The following SLC9A8 variants were observed in gnomAD, a reference collection of about 807,000 sequenced individuals.
SLC9A8 encodes the protein solute carrier family 9 member A8, also known as sodium/hydrogen exchanger 8.
SLC9A8 carries 48 observed loss-of-function variants against 66.6 expected under a neutral mutation model. That is an observed-to-expected ratio of 0.72 (90% CI 0.57 to 0.92). The LOEUF is 0.92. SLC9A8 is among the 40% of genes least tolerant of loss of function. The probability of loss-of-function intolerance (pLI) is 0.00; values close to 1 mark genes in which losing one functional copy is unlikely to be tolerated. For synonymous variants in SLC9A8, 274 were observed against 282.6 expected (o/e 0.97, Z 0.31); for missense variants, 599 against 747.3 (o/e 0.80, Z 2.31).
At chr20:49,857,973 A>T (rs1028614120) in intron 8 of SLC9A8, among the ~76,000 whole-genome samples, 3 of 152,356 alleles carry the variant, frequency 2.0e-5, no homozygotes. Context: ...ATATATTCTT[A>T]CCAAATTTAG....
At chr20:49,821,896 G>A (rs559663082) in intron 2 of SLC9A8, among the ~76,000 whole-genome samples, 2 of 152,148 alleles carry the variant, frequency 1.3e-5, no homozygotes, top group South Asian at 4.1e-4. Flanking sequence ...GGAGATTGAG[G>A]AATGAAGGCA....
chr20:49,882,060 G>C (rs939474486), intron 13 of SLC9A8, among the ~76,000 whole-genome samples: 1 of 152,224 alleles, frequency 6.6e-6, no homozygotes, highest in South Asian at 2.1e-4. Context: ...TCAACGAGGG[G>C]CACTGAACAA....
intron 3 of SLC9A8, chr20:49,830,029 A>G (rs2087107355): frequency 6.1e-6 from 4 of 656,774 alleles, no homozygotes; most frequent in South Asian, 4.1e-5. Context: ...CAGTGGCTGC[A>G]TTTAAATGGC....
At chr20:49,830,755 T>C (rs536081228) in intron 3 of SLC9A8, 18 of 774,684 alleles carry the variant, frequency 2.3e-5, no homozygotes, top group Admixed American at 8.5e-5. Context: ...GTAAACATAG[T>C]CCAAGGGAGC....
chr20:49,884,291 C>CACACACACACACACACACACACACG (rs2089792049), intron 14 of SLC9A8: 8 of 252,570 alleles, frequency 3.2e-5, no homozygotes, highest in Admixed American at 1.8e-4. Context: ...ACACACACGA[C>CACACACACACACACACACACACACG]ACACACACAC....
At chr20:49,817,210 G>A (rs926037303) in intron 2 of SLC9A8, among the ~76,000 whole-genome samples, 5 of 151,598 alleles carry the variant, frequency 3.3e-5, no homozygotes, top group Admixed American at 1.3e-4. Context: ...TCAGCTACTC[G>A]GGAGGCTGAA....
chr20:49,872,777 G>A (rs143198608), intron 10 of SLC9A8, among the ~76,000 whole-genome samples: 73 of 152,192 alleles, frequency 4.8e-4, no homozygotes, highest in Non-Finnish European at 9.9e-4. Flanking sequence ...GAGCCACCGC[G>A]CCCGGCCGAT....
intron 10 of SLC9A8, among the ~76,000 whole-genome samples, chr20:49,871,261 G>A (rs1260870653): frequency 1.3e-5 from 2 of 152,194 alleles, no homozygotes; most frequent in Non-Finnish European, 2.9e-5. Context: ...ACGGTACAGT[G>A]TAAATTGTAC....
intron 5 of SLC9A8, among the ~76,000 whole-genome samples, chr20:49,845,612 A>G (rs966256743): frequency 2.0e-4 from 30 of 150,240 alleles, no homozygotes; most frequent in African/African-American, 6.3e-4. Context: ...CCAGCTTGAT[A>G]TTCCCCTTCA....
chr20:49,838,013 A>C (rs191448418), intron 3 of SLC9A8, among the ~76,000 whole-genome samples: 1 of 150,586 alleles, frequency 6.6e-6, no homozygotes, highest in Non-Finnish European at 1.5e-5. Flanking sequence ...TACTACCATA[A>C]ATTTTATATA....
intron 14 of SLC9A8, among the ~76,000 whole-genome samples, chr20:49,884,336 A>ACACACACACC (rs1568884621): frequency 1.1e-4 from 12 of 108,494 alleles, no homozygotes; most frequent in Non-Finnish European, 1.9e-4. Flanking sequence ...ACACACACAC[A>ACACACACACC]CCCCCCGGTC....
intron 3 of SLC9A8, chr20:49,830,536 T>C: frequency 3.0e-6 from 2 of 665,278 alleles, no homozygotes; most frequent in Non-Finnish European, 5.3e-6. Context: ...GTCACTTAGC[T>C]GGCCTGGGTG....
intron 3 of SLC9A8, chr20:49,829,448 G>A (rs1430848968): frequency 3.7e-5 from 7 of 189,576 alleles, no homozygotes; most frequent in South Asian, 9.5e-5. Flanking sequence ...GCATGAACCC[G>A]GGAGGTGGAG....
intron 5 of SLC9A8, among the ~76,000 whole-genome samples, chr20:49,845,546 C>T (rs73125642): frequency 0.14 from 20,710 of 152,130 alleles, 1,463 homozygotes; most frequent in African/African-American, 0.17. Context: ...CTAACCTTCT[C>T]AGGCCCATCC....
At position 49,886,698 on chromosome 20, in the gene SLC9A8, GC is replaced by G. The variant is rs969707565; in HGVS notation, c.1492-48del. The G allele has an allele frequency of 2.6e-4, 405 of 1,583,516 alleles. 1 individual carries two copies. The highest frequency in any genetic ancestry group is 5.5e-4 in the Admixed American group (31 of 56,686). On this transcript the variant is annotated intron_variant, in intron 14 of 15. Transcript: ENST00000361573. This position sits in a 1 kb window ranked among gnomAD's most constrained non-coding sequence, Gnocchi z 4.8. ...GGTGGTGTGGGGGCTTCCAGGAGGT[GC>G]CCCCCGATGGTGCCAGCTGGTGGCC...
At chr20:49,873,217 C>A (rs2089280392) in intron 10 of SLC9A8, among the ~76,000 whole-genome samples, 1 of 152,192 alleles carries the variant, frequency 6.6e-6, no homozygotes, top group African/African-American at 2.4e-5. Flanking sequence ...TGCAGTGGCT[C>A]ACACTTATAA....
At chr20:49,867,946 T>A (rs1259554443) in intron 10 of SLC9A8, among the ~76,000 whole-genome samples, 2 of 152,094 alleles carry the variant, frequency 1.3e-5, no homozygotes, top group East Asian at 3.9e-4. Context: ...GGAAGCAGAG[T>A]GGACTCACCA....
chr20:49,857,862 C>T (rs1055720251), intron 8 of SLC9A8, among the ~76,000 whole-genome samples: 7 of 152,186 alleles, frequency 4.6e-5, no homozygotes, highest in African/African-American at 1.7e-4. Context: ...CCTTCCTTTG[C>T]AGGAGGAGCT....
chr20:49,877,226 G>A (rs548115073), intron 11 of SLC9A8, among the ~76,000 whole-genome samples: 12 of 151,916 alleles, frequency 7.9e-5, no homozygotes, highest in African/African-American at 1.7e-4. Flanking sequence ...CCCAGGAGGC[G>A]GAGGTTGCAG....
Sources: gnomAD v4.1 joint callset for allele counts (sites outside exome capture counted in the v4.1 genomes callset) on GRCh38, gnomAD v4.1.1 for gene constraint, Gnocchi (gnomAD v3.1) non-coding constraint, MANE v1.5 for transcripts, NCBI Gene and HGNC (gene_info 2026-07-23, HGNC 2026-07-21) for gene names.